XKR6: variants seen among roughly 807,000 people sequenced by gnomAD.
XKR6 encodes XK related 6.
Under a neutral mutation model 56.7 loss-of-function variants are expected in XKR6, and 22 were observed. That is an observed-to-expected ratio of 0.39 (90% CI 0.28 to 0.55). The LOEUF (loss-of-function observed/expected upper bound fraction) is 0.55. Ranked by LOEUF, XKR6 falls within the 20% of genes least tolerant of loss-of-function variation. XKR6 has a pLI of 0.66. For synonymous variants in XKR6, 524 were observed against 387.8 expected (o/e 1.35, Z -4.13); for missense variants, 852 against 889.0 (o/e 0.96, Z 0.53).
At chr8:11,184,769 C>A (rs1168072438) in intron 1 of XKR6, among the ~76,000 whole-genome samples, 3 of 151,988 alleles carry the variant, frequency 2.0e-5, no homozygotes, top group Non-Finnish European at 4.4e-5. Flanking sequence ...TGGGCTCATG[C>A]AATCAACCCG....
chr8:11,103,237 G>A (rs1798550643), intron 1 of XKR6, among the ~76,000 whole-genome samples: 1 of 152,282 alleles, frequency 6.6e-6, no homozygotes, highest in East Asian at 1.9e-4. Flanking sequence ...TGACTTCCTA[G>A]AGAGATGAAC....
chr8:10,911,815 G>C (rs1800379654), intron 2 of XKR6, among the ~76,000 whole-genome samples: 1 of 150,900 alleles, frequency 6.6e-6, no homozygotes, highest in Non-Finnish European at 1.5e-5. Flanking sequence ...TATATATACA[G>C]AGGGTGAGTA....
At chr8:10,913,898 G>A (rs1800481599) in intron 2 of XKR6, among the ~76,000 whole-genome samples, 1 of 152,164 alleles carries the variant, frequency 6.6e-6, no homozygotes, top group Non-Finnish European at 1.5e-5. Context: ...ACCTGCGACG[G>A]GGGCCCCATG....
intron 1 of XKR6, among the ~76,000 whole-genome samples, chr8:11,095,473 G>A (rs1462322040): frequency 6.6e-6 from 1 of 152,216 alleles, no homozygotes; most frequent in African/African-American, 2.4e-5. Flanking sequence ...ACTGACTTGT[G>A]AGACTGGTGC....
intron 1 of XKR6, among the ~76,000 whole-genome samples, chr8:11,196,980 G>C (rs1585045375): frequency 1.3e-5 from 1 of 76,164 alleles, no homozygotes; most frequent in Non-Finnish European, 3.7e-5. Flanking sequence ...AGATTTTGTA[G>C]AGAGCTGCAT....
intron 1 of XKR6, among the ~76,000 whole-genome samples, chr8:10,968,430 C>G (rs1439763019): frequency 6.6e-6 from 1 of 152,260 alleles, no homozygotes; most frequent in Non-Finnish European, 1.5e-5. Flanking sequence ...GGTGCTCTCC[C>G]CAGCTTTGTG....
At chr8:10,917,476 G>A (rs546092408) in intron 2 of XKR6, among the ~76,000 whole-genome samples, 1 of 152,322 alleles carries the variant, frequency 6.6e-6, no homozygotes, top group Non-Finnish European at 1.5e-5. Flanking sequence ...CTAGGAAGAA[G>A]TATATTCCCA....
chr8:11,000,857 A>C (rs1395092762), intron 1 of XKR6, among the ~76,000 whole-genome samples: 2 of 152,136 alleles, frequency 1.3e-5, no homozygotes, highest in Admixed American at 6.5e-5. Context: ...AAATTCCCAG[A>C]TGAGATTCCA....
At chr8:10,970,612 T>G (rs1422926568) in intron 1 of XKR6, among the ~76,000 whole-genome samples, 1 of 152,008 alleles carries the variant, frequency 6.6e-6, no homozygotes, top group Non-Finnish European at 1.5e-5. Context: ...GTGTCTCAAC[T>G]GTTCATTCCT....
At chr8:11,042,270 C>T (rs1005957077) in intron 1 of XKR6, among the ~76,000 whole-genome samples, 4 of 150,156 alleles carry the variant, frequency 2.7e-5, no homozygotes, top group African/African-American at 7.4e-5. Flanking sequence ...TTGCATTATA[C>T]TAGTTGAGTA....
At chr8:10,984,882 G>C (rs1797825097) in intron 1 of XKR6, among the ~76,000 whole-genome samples, 1 of 151,628 alleles carries the variant, frequency 6.6e-6, no homozygotes, top group African/African-American at 2.4e-5. Context: ...TCTTCTTAAG[G>C]TAATTCATAA....
At chr8:11,057,093 T>C (rs1249989052) in intron 1 of XKR6, among the ~76,000 whole-genome samples, 2 of 152,228 alleles carry the variant, frequency 1.3e-5, no homozygotes, top group African/African-American at 2.4e-5. Context: ...CAAAAGCCGT[T>C]CTTGATGCCC....
chr8:11,109,591 G>C (rs928939890), intron 1 of XKR6: 1 of 152,206 alleles, frequency 6.6e-6, no homozygotes, highest in African/African-American at 2.4e-5. Context: ...TTCCCTGACA[G>C]CACTTTAAGT....
intron 1 of XKR6, among the ~76,000 whole-genome samples, chr8:11,129,624 T>C (rs893630749): frequency 7.9e-5 from 12 of 152,230 alleles, no homozygotes; most frequent in Admixed American, 1.3e-4. Context: ...TCTTAAAAGA[T>C]TATATACACT....
chr8:11,056,034 T>C (rs1326181437), intron 1 of XKR6, among the ~76,000 whole-genome samples: 4 of 152,076 alleles, frequency 2.6e-5, no homozygotes, highest in Non-Finnish European at 5.9e-5. Context: ...AGGATTCCTC[T>C]CCCGCCCCAC....
intron 1 of XKR6, among the ~76,000 whole-genome samples, chr8:10,985,202 A>G (rs180796922): frequency 2.6e-5 from 4 of 152,210 alleles, no homozygotes; most frequent in East Asian, 1.9e-4. Context: ...TAATTCCCAC[A>G]TGTCACGGGA....
intron 1 of XKR6, among the ~76,000 whole-genome samples, chr8:11,023,153 G>T (rs562298308): frequency 6.6e-6 from 1 of 152,322 alleles, no homozygotes; most frequent in Non-Finnish European, 1.5e-5. Context: ...GAGAAAATGG[G>T]CAGGTGGAAA....
chr8:11,096,494 A>T (rs1798266364), intron 1 of XKR6, among the ~76,000 whole-genome samples: 1 of 152,260 alleles, frequency 6.6e-6, no homozygotes, highest in Non-Finnish European at 1.5e-5. Context: ...ACACCATTAG[A>T]ATACTGCACA....
At chr8:11,116,845 A>G (rs780337917) in intron 1 of XKR6, among the ~76,000 whole-genome samples, 3 of 152,200 alleles carry the variant, frequency 2.0e-5, no homozygotes, top group Non-Finnish European at 4.4e-5. Flanking sequence ...ACAGTCGACA[A>G]CAACTGCGAC....
Sources: allele counts gnomAD v4.1 joint callset (sites outside exome capture counted in the v4.1 genomes callset), GRCh38; gene constraint gnomAD v4.1.1; transcripts MANE v1.5; gene names NCBI Gene and HGNC (gene_info 2026-07-23, HGNC 2026-07-21).